The following DCAF6 variants were observed in gnomAD, a reference collection of about 807,000 sequenced individuals.
DCAF6 encodes the protein DDB1 and CUL4 associated factor 6.
Under a neutral mutation model 125.1 loss-of-function variants are expected in DCAF6, and 54 were observed. The observed-to-expected ratio is 0.43, with a 90% CI of 0.35 to 0.54. The LOEUF (loss-of-function observed/expected upper bound fraction) is 0.54, where lower values mean the gene tolerates loss of function less well. DCAF6 is among the 20% of genes least tolerant of loss of function. DCAF6 has a pLI of 0.01. For synonymous variants in DCAF6, 371 were observed against 390.4 expected (o/e 0.95, Z 0.58); for missense variants, 934 against 1,161.7 (o/e 0.80, Z 2.85).
chr1:167,979,321 C>T (rs1264738699), intron 4 of DCAF6, among the ~76,000 whole-genome samples: 1 of 152,102 alleles, frequency 6.6e-6, no homozygotes, highest in Non-Finnish European at 1.5e-5. Flanking sequence ...CTTTAATTAG[C>T]ATAGAATTTT....
chr1:167,929,913 G>A, the DCAF6 span, among the ~76,000 whole-genome samples: 1 of 151,902 alleles, frequency 6.6e-6, no homozygotes, highest in South Asian at 2.1e-4. Context: ...ACTCCTTTAT[G>A]GTTTGTTACT....
chr1:167,935,621 G>A (rs1671107426), upstream of DCAF6: 5 of 810,686 alleles, frequency 6.2e-6, no homozygotes, highest in South Asian at 7.8e-5. Context: ...TGAAGGGAAG[G>A]GATTGGGGCT....
intron 10 of DCAF6, among the ~76,000 whole-genome samples, chr1:168,011,743 C>T (rs1251837939): frequency 1.3e-5 from 2 of 151,894 alleles, no homozygotes; most frequent in African/African-American, 2.4e-5. Context: ...TTTGGAAGGC[C>T]GAGGTGGGTG....
At chr1:167,879,559 C>A in the DCAF6 span, among the ~76,000 whole-genome samples, 2 of 152,150 alleles carry the variant, frequency 1.3e-5, no homozygotes, top group Non-Finnish European at 2.9e-5. Flanking sequence ...ACACTCCCCA[C>A]CCTGTGTACT....
chr1:167,875,099 A>G, the DCAF6 span: 1 of 1,591,780 alleles, frequency 6.3e-7, no homozygotes, highest in Non-Finnish European at 8.6e-7. Context: ...TTAGTTCAAT[A>G]AAGAAGTTTA....
rs112911679 is a variant in DCAF6, at chr1:167,986,881, G to A, written c.439-614G>A. 2.9e-3 allele frequency among the ~76,000 whole-genome samples: 447 copies of A among 152,256 alleles called. 1 individual carries two copies. The highest frequency in any genetic ancestry group is 0.01 in the African/African-American group (425 of 41,546). On this transcript the variant is annotated intron_variant, in intron 4 of 21. Coordinates refer to ENST00000367840, the MANE Select transcript of DCAF6 (RefSeq NM_001198956.2). The stretch of plus-strand genomic sequence containing the variant: ...TATTGTCATTGCTAAATTAGAAGTG[G>A]ATACAGGCATATCTAAAATATTGTA...
At chr1:168,046,994 T>C (rs1210760751) in intron 16 of DCAF6, among the ~76,000 whole-genome samples, 3 of 152,128 alleles carry the variant, frequency 2.0e-5, no homozygotes, top group Non-Finnish European at 2.9e-5. Context: ...GCAGCTTCTA[T>C]GCAGGCTAAT....
chr1:168,058,070 A>AT (rs1691116665), intron 17 of DCAF6, among the ~76,000 whole-genome samples: 1 of 152,220 alleles, frequency 6.6e-6, no homozygotes, highest in African/African-American at 2.4e-5. Context: ...TATAAAAATG[A>AT]TGTCATACTG....
chr1:167,887,338 T>C, the DCAF6 span, among the ~76,000 whole-genome samples: 54 of 152,318 alleles, frequency 3.5e-4, no homozygotes, highest in African/African-American at 1.2e-3. Context: ...AAATGTGGCA[T>C]GTATACACAG....
chr1:167,866,750 T>TAA, the DCAF6 span, among the ~76,000 whole-genome samples: 32,937 of 122,768 alleles, frequency 0.27, 4,190 homozygotes, highest in South Asian at 0.37. Context: ...AAAGTTCACT[T>TAA]AAAAAAAAAA....
chr1:167,992,944 A>G (rs1229149567), intron 6 of DCAF6, among the ~76,000 whole-genome samples: 1 of 152,182 alleles, frequency 6.6e-6, no homozygotes, highest in African/African-American at 2.4e-5. Flanking sequence ...TTGTATTTAT[A>G]AATCATTTTC....
At position 168,004,784 on chromosome 1, in the gene DCAF6, C is replaced by T; in HGVS notation, c.1369C>T (p.His457Tyr). 1.2e-6 allele frequency: 2 copies of T among 1,613,798 alleles called. No homozygotes were observed. The highest frequency in any genetic ancestry group is 1.7e-6 in the Non-Finnish European group (2 of 1,179,818). ...SVEASGHHTH[H>Y]QSEFLRGPEI... ...TGAGGCATCTGGACACCACACACAT[C>T]ATCAGTCTGGTGAGGATAAGTATGC... The change falls in exon 10 of 22, where the codon CAT becomes TAT. Residue 457 changes from histidine (H) to tyrosine (Y), a missense_variant. Coordinates refer to ENST00000367840, the MANE Select transcript of DCAF6 (RefSeq NM_001198956.2).
At chr1:168,003,174 G>A (rs1402519624) in intron 8 of DCAF6, among the ~76,000 whole-genome samples, 1 of 152,086 alleles carries the variant, frequency 6.6e-6, no homozygotes. Context: ...AGGCAATAAA[G>A]TGTAAAAGAA....
At chr1:168,071,498 A>G (rs970174604) in intron 21 of DCAF6, among the ~76,000 whole-genome samples, 8 of 152,150 alleles carry the variant, frequency 5.3e-5, no homozygotes, top group African/African-American at 1.7e-4. Context: ...GCTGGACGTG[A>G]TGGTGCACAC....
chr1:167,925,480 T>TATAC, the DCAF6 span, among the ~76,000 whole-genome samples: 146 of 134,856 alleles, frequency 1.1e-3, 1 homozygote, highest in African/African-American at 3.9e-3. Flanking sequence ...TATATACATA[T>TATAC]ACATATACAC....
At chr1:168,008,357 T>A (rs1006093439) in intron 10 of DCAF6, among the ~76,000 whole-genome samples, 1 of 152,176 alleles carries the variant, frequency 6.6e-6, no homozygotes, top group Non-Finnish European at 1.5e-5. Flanking sequence ...TCCTTCTTGG[T>A]CCATTTGCTT....
intron 17 of DCAF6, among the ~76,000 whole-genome samples, chr1:168,062,353 T>C (rs755500707): frequency 1.3e-5 from 2 of 152,188 alleles, no homozygotes; most frequent in Admixed American, 6.5e-5. Context: ...AAAAATTCAT[T>C]GAGCTTTTTA....
chr1:167,898,073 A>G, the DCAF6 span, among the ~76,000 whole-genome samples: 2 of 149,876 alleles, frequency 1.3e-5, no homozygotes, highest in Non-Finnish European at 3.0e-5. Context: ...GGAACATTCC[A>G]CTAAGTGGAC....
chr1:168,065,085 T>G (rs1040552731), intron 18 of DCAF6, among the ~76,000 whole-genome samples: 1 of 152,202 alleles, frequency 6.6e-6, no homozygotes, highest in Non-Finnish European at 1.5e-5. Context: ...CAGCAACATA[T>G]ATGTAAATTG....
Sources: allele counts gnomAD v4.1 joint callset (sites outside exome capture counted in the v4.1 genomes callset), GRCh38; gene constraint gnomAD v4.1.1; transcripts MANE v1.5; gene names NCBI Gene and HGNC (gene_info 2026-07-23, HGNC 2026-07-21).